Variants in AKAP6 observed in about 807,000 individuals in gnomAD.
AKAP6 encodes A-kinase anchor protein 6.
AKAP6 carries 58 observed loss-of-function variants against 188.5 expected under a neutral mutation model. That is an observed-to-expected ratio of 0.31 (90% CI 0.25 to 0.38). The LOEUF is 0.38. AKAP6 is among the 10% of genes least tolerant of loss of function. AKAP6 has a pLI of 1.00. For synonymous variants in AKAP6, 989 were observed against 998.6 expected (o/e 0.99, Z 0.18); for missense variants, 2,710 against 2,740.0 (o/e 0.99, Z 0.24).
intron 7 of AKAP6, chr14:32,627,983 G>C (rs1306549275): frequency 6.6e-6 from 1 of 152,080 alleles, no homozygotes; most frequent in African/African-American, 2.4e-5. Flanking sequence ...AGGATTATAT[G>C]GCAGGGCAAA....
chr14:32,756,090 C>T (rs1033456135), intron 11 of AKAP6, among the ~76,000 whole-genome samples: 1 of 152,164 alleles, frequency 6.6e-6, no homozygotes, highest in Non-Finnish European at 1.5e-5. Flanking sequence ...GGTGGGTGGG[C>T]TTGGCACCTG....
At chr14:32,373,249 A>G (rs1230670969) in intron 1 of AKAP6, 4 of 152,144 alleles carry the variant, frequency 2.6e-5, no homozygotes, top group South Asian at 4.1e-4. Context: ...ATTATTACTC[A>G]AATCAGTCTC....
rs558430722 is a variant in AKAP6, at chr14:32,386,294, C to T, written c.-34-47166C>T. On this transcript the variant is annotated intron_variant, in intron 1 of 13. Transcript: ENST00000280979. ...TTATTTTTTTATTTTTAAATTATGG[C>T]CATTCTAGCAGGAGTAAAGTGGTAA... Among the ~76,000 whole-genome samples, 8 of 152,090 alleles carry T rather than the reference C, an allele frequency of 5.3e-5. No homozygotes were observed. In the South Asian group the frequency reaches 1.7e-3, roughly 32 times the overall value.
rs755292898 is a variant in AKAP6 at position 32,723,005 on chromosome 14, C to T, written c.3001-9449C>T. ...GGCAACCCCTAGATGCTGCCGCGGG[C>T]CAGTGCAGTGTTTTTTCCTGCTGAC... On this transcript the variant is annotated intron_variant, in intron 9 of 13. Coordinates refer to ENST00000280979, the MANE Select transcript of AKAP6 (RefSeq NM_004274.5). 1.4e-4 allele frequency among the ~76,000 whole-genome samples: 22 copies of T among 152,290 alleles called. 1 individual carries two copies. In the South Asian group the frequency reaches 1.9e-3, roughly 13 times the overall value.
In AKAP6 at chr14:32,717,304, T is replaced by C. The variant is rs116015853; in HGVS notation, c.3001-15150T>C. On this transcript the variant is annotated intron_variant, in intron 9 of 13. Coordinates refer to ENST00000280979, the MANE Select transcript of AKAP6 (RefSeq NM_004274.5). ...TCCTCTTAATGAATTTTTTTCAGCCTTTATGCAAAATGTTTAAGTCATCAA... is the reference window on the plus strand; with the variant it reads ...TCCTCTTAATGAATTTTTTTCAGCCCTTATGCAAAATGTTTAAGTCATCAA... Among the ~76,000 whole-genome samples, 552 of 152,226 alleles carry C rather than the reference T, an allele frequency of 3.6e-3. 7 individuals are homozygous for C. Among genetic ancestry groups the C allele is most frequent in the African/African-American group, 0.013 (530 of 41,532 alleles).
chr14:32,419,974 C>G (rs557663590), intron 1 of AKAP6, among the ~76,000 whole-genome samples: 15 of 152,096 alleles, frequency 9.9e-5, no homozygotes, highest in Middle Eastern at 3.2e-3. Context: ...CACTCTATCT[C>G]CTTATCCTCC....
At position 32,832,223 on chromosome 14, in the gene AKAP6, A is replaced by T. The variant is rs1270768313; in HGVS notation, c.*2418A>T. On this transcript the variant is annotated 3_prime_UTR_variant, in exon 14 of 14. Transcript: ENST00000280979. ...TTGCAATAACAGAGTACACAAGTATAGTGGCCCAGGATGTAGTGAAAGAAC... is the reference window on the plus strand; with the variant it reads ...TTGCAATAACAGAGTACACAAGTATTGTGGCCCAGGATGTAGTGAAAGAAC... 3 of 152,152 alleles carry T rather than the reference A, an allele frequency of 2.0e-5. No homozygotes were observed. The highest frequency in any genetic ancestry group is 7.2e-5 in the African/African-American group (3 of 41,446). The allele number at this position is 152,152 out of a possible 1,614,324, so 9.4% of individuals were successfully genotyped here.
rs1233377309 is a variant in AKAP6 at position 32,723,551 on chromosome 14, ATGTGTTTATGTG to A, written c.3001-8897_3001-8886del. ...TCACATAATATATATATGTGTGCGT[ATGTGTTTATGTG>A]TGTGTGTGTGTGTGTGTGTGTGTGT... On this transcript the variant is annotated intron_variant, in intron 9 of 13. Coordinates refer to ENST00000280979, the MANE Select transcript of AKAP6 (RefSeq NM_004274.5). Among the ~76,000 whole-genome samples, 25 of 143,632 alleles carry A rather than the reference ATGTGTTTATGTG, an allele frequency of 1.7e-4. No individual in the cohort carries two copies. The East Asian group carries it at 2.2e-3, about 13-fold the overall frequency. 94.2% of individuals were successfully genotyped at this position (143,632 alleles called of 152,430 possible). A position where few individuals can be genotyped will look rare whatever the true frequency, so the allele number is the denominator to read the frequency against.
chr14:32,375,096 G>A (rs2138530936), intron 1 of AKAP6, among the ~76,000 whole-genome samples: 1 of 152,286 alleles, frequency 6.6e-6, no homozygotes, highest in East Asian at 1.9e-4. Context: ...GAATGAAACA[G>A]TACTAATCAA....
intron 2 of AKAP6, among the ~76,000 whole-genome samples, chr14:32,518,298 AG>A (rs1324863825): frequency 6.6e-6 from 1 of 152,228 alleles, no homozygotes; most frequent in Non-Finnish European, 1.5e-5. Context: ...TTTCCTCCAA[AG>A]GAAAGCAGTT....
At chr14:32,510,579 G>A (rs990449044) in intron 2 of AKAP6, among the ~76,000 whole-genome samples, 8 of 150,010 alleles carry the variant, frequency 5.3e-5, no homozygotes, top group African/African-American at 2.0e-4. Flanking sequence ...TTTACTTTGT[G>A]CTCACATGGT....
At chr14:32,420,881 T>C (rs1416531761) in intron 1 of AKAP6, among the ~76,000 whole-genome samples, 1 of 150,364 alleles carries the variant, frequency 6.7e-6, no homozygotes, top group Non-Finnish European at 1.5e-5. Flanking sequence ...CTCTGGTATC[T>C]TTTAAGAAAA....
At chr14:32,806,774 A>C (rs781252000) in intron 12 of AKAP6, among the ~76,000 whole-genome samples, 1 of 152,250 alleles carries the variant, frequency 6.6e-6, no homozygotes. Context: ...AGAATCAAAT[A>C]AGCTGGAAAT....
intron 12 of AKAP6, among the ~76,000 whole-genome samples, chr14:32,818,794 C>T (rs1272021484): frequency 2.0e-5 from 3 of 152,146 alleles, no homozygotes; most frequent in Admixed American, 6.5e-5. Flanking sequence ...GCACAATTCC[C>T]GCTTCTCCAT....
At chr14:32,800,639 C>G (rs190411771) in intron 12 of AKAP6, among the ~76,000 whole-genome samples, 7 of 152,238 alleles carry the variant, frequency 4.6e-5, no homozygotes, top group Admixed American at 1.3e-4. Context: ...TATAAACACT[C>G]TAGCTTCCTT....
At chr14:32,381,054 C>T (rs981821280) in intron 1 of AKAP6, among the ~76,000 whole-genome samples, 5 of 151,912 alleles carry the variant, frequency 3.3e-5, no homozygotes, top group Non-Finnish European at 7.4e-5. Flanking sequence ...TAGAAAATAT[C>T]GGCTGGGCAT....
chr14:32,797,663 A>T (rs1022786085), intron 12 of AKAP6, among the ~76,000 whole-genome samples: 3 of 152,164 alleles, frequency 2.0e-5, no homozygotes, highest in African/African-American at 7.2e-5. Flanking sequence ...ATGAATAGCT[A>T]ATGATGCTGA....
chr14:32,505,349 G>T (rs760323923), intron 2 of AKAP6, among the ~76,000 whole-genome samples: 1 of 151,550 alleles, frequency 6.6e-6, no homozygotes, highest in Non-Finnish European at 1.5e-5. Flanking sequence ...GAATCAGTGA[G>T]TTGGCCAAGG....
chr14:32,469,639 T>C (rs1333534337), intron 2 of AKAP6, among the ~76,000 whole-genome samples: 1 of 151,878 alleles, frequency 6.6e-6, no homozygotes, highest in Non-Finnish European at 1.5e-5. Flanking sequence ...TTTATAGCTT[T>C]CCCATTTTTC....
Sources: gnomAD v4.1 joint callset for allele counts (sites outside exome capture counted in the v4.1 genomes callset) on GRCh38, gnomAD v4.1.1 for gene constraint, MANE v1.5 for transcripts, NCBI Gene and HGNC (gene_info 2026-07-23, HGNC 2026-07-21) for gene names.